Variants in TBX18 observed in about 807,000 individuals in gnomAD.
The protein encoded by TBX18 is T-box transcription factor TBX18.
Under a neutral mutation model 55.0 loss-of-function variants are expected in TBX18, and 21 were observed. That is an observed-to-expected ratio of 0.38 (90% CI 0.27 to 0.55). The LOEUF is 0.55. TBX18 is among the 20% of genes least tolerant of loss of function. The pLI is 0.73. For missense variants in TBX18, 840 were observed against 799.6 expected, an observed-to-expected ratio of 1.05 and a Z score of -0.61; for synonymous variants, 342 against 326.1, an observed-to-expected ratio of 1.05 and a Z score of -0.53.
At chr6:84,746,966 A>G (rs1404244714) in intron 5 of TBX18, among the ~76,000 whole-genome samples, 1 of 152,048 alleles carries the variant, frequency 6.6e-6, no homozygotes, top group Admixed American at 6.5e-5. Context: ...GTGAGAGGAC[A>G]GGACAGCTTC....
chr6:84,738,568 TCCA>T lies in TBX18; in HGVS notation c.1025_1027del (p.Val342del). ...TGATGGTCGCCAGAATGCATATGATTCCACCAAGGCTTCCAAACCCATTCTAAA... is the reference window on the plus strand; with the variant it reads ...TGATGGTCGCCAGAATGCATATGATTCCAAGGCTTCCAAACCCATTCTAAA... On this transcript the variant is annotated inframe_deletion, in exon 7 of 8. Transcript: ENST00000369663. The T allele has an allele frequency of 6.2e-7, 1 of 1,613,982 alleles. No individual in the cohort carries two copies. The highest frequency in any genetic ancestry group is 8.5e-7 in the Non-Finnish European group (1 of 1,179,950).
rs1238232609 is a variant in TBX18, at chr6:84,760,212, C to T, written c.599+43G>A. ...CAAACAGGCACTAGCCTGCAAAATC[C>T]TAGTGTTTTTTTTTTTAATTGTTCA... On this transcript the variant is annotated intron_variant, in intron 3 of 7. Transcript: ENST00000369663. The T allele has an allele frequency of 4.7e-6, 6 of 1,286,942 alleles. No homozygotes were observed. The Admixed American group carries it at 1.2e-4, about 26-fold the overall frequency. 79.7% of individuals were successfully genotyped at this position (1,286,942 alleles called of 1,614,324 possible).
chr6:84,747,393 TATGAA>T (rs1422342529), intron 5 of TBX18, among the ~76,000 whole-genome samples: 1 of 152,220 alleles, frequency 6.6e-6, no homozygotes, highest in African/African-American at 2.4e-5. Context: ...TTTCTAACTT[TATGAA>T]ATAAGTATTC....
rs1375970995 is a variant in TBX18, at chr6:84,763,897, T to G, written c.285A>C (p.Gly95=). 1.3e-6 allele frequency: 2 copies of G among 1,509,298 alleles called. No individual in the cohort carries two copies. The highest frequency in any genetic ancestry group is 2.9e-5 in the African/African-American group (2 of 69,438). The allele number at this position is 1,509,298 out of a possible 1,614,324, so 93.5% of individuals were successfully genotyped here. A position where few individuals can be genotyped will look rare whatever the true frequency, so the allele number is the denominator to read the frequency against. The part of the protein sequence containing the change: ...PARSGADLER[G]AAGGCEDGFQ... Reference sequence around the variant, plus strand: ...AGGAAGGGGCCCACTCACCCGCGGCTCCGCGCTCCAGGTCTGCGCCACTCC... The same window carrying G: ...AGGAAGGGGCCCACTCACCCGCGGCGCCGCGCTCCAGGTCTGCGCCACTCC... Residue 95 remains glycine (G), a synonymous_variant, in exon 1 of 8, where the codon GGA becomes GGC. Coordinates refer to ENST00000369663, the MANE Select transcript of TBX18 (RefSeq NM_001080508.3).
At chr6:84,745,367 C>T (rs142542723) in intron 5 of TBX18, among the ~76,000 whole-genome samples, 1 of 152,180 alleles carries the variant, frequency 6.6e-6, no homozygotes, top group Non-Finnish European at 1.5e-5. Flanking sequence ...CATGTTTTGG[C>T]TTCTAAATTC....
rs561554028 is a variant in TBX18 at position 84,737,158 on chromosome 6, G to A, written c.1351C>T (p.Pro451Ser). 1.7e-5 allele frequency: 28 copies of A among 1,614,044 alleles called. No homozygotes were observed. In the Admixed American group the frequency reaches 3.2e-4, roughly 18 times the overall value. ...CCCACATAGGAGGGAGTCCTGGGCGGGGCAAAGGTCTCACCAGCCTGGTTG... is the reference window on the plus strand; with the variant it reads ...CCCACATAGGAGGGAGTCCTGGGCGAGGCAAAGGTCTCACCAGCCTGGTTG... Reference protein sequence around the residue: ...LTNQAGETFAPPRTPSYVGVS... With the variant: ...LTNQAGETFASPRTPSYVGVS... The change falls in exon 8 of 8, where the codon CCG (proline) becomes TCG (serine). Residue 451 changes from proline (P) to serine (S), a missense_variant. Pro to Ser is a moderately conservative substitution (Grantham distance 74). Transcript: ENST00000369663.
At chr6:84,749,478 T>G (rs962875487) in intron 4 of TBX18, among the ~76,000 whole-genome samples, 2 of 99,448 alleles carry the variant, frequency 2.0e-5, no homozygotes, top group African/African-American at 6.7e-5. Flanking sequence ...TGGCTAAGAT[T>G]TTTTTTTTCT....
At chr6:84,758,573 T>G (rs1767558814) in intron 3 of TBX18, among the ~76,000 whole-genome samples, 1 of 151,974 alleles carries the variant, frequency 6.6e-6, no homozygotes, top group South Asian at 2.1e-4. Flanking sequence ...CATTAGAAAA[T>G]AAGCCAAATT....
At chr6:84,744,799 A>G (rs1471697957) in intron 5 of TBX18, among the ~76,000 whole-genome samples, 1 of 152,102 alleles carries the variant, frequency 6.6e-6, no homozygotes. Flanking sequence ...TCTCTTCTTT[A>G]AAATTAGGTA....
chr6:84,734,516 C>T lies in TBX18; in HGVS notation c.*2169G>A, dbSNP rs1167534228. 1 of 152,338 alleles carries T rather than the reference C, an allele frequency of 6.6e-6. No individual in the cohort carries two copies. The highest frequency in any genetic ancestry group is 1.5e-5 in the Non-Finnish European group (1 of 67,998). The allele number at this position is 152,338 out of a possible 1,614,324, so 9.4% of individuals were successfully genotyped here. A position where few individuals can be genotyped will look rare whatever the true frequency, so the allele number is the denominator to read the frequency against. On this transcript the variant is annotated 3_prime_UTR_variant, in exon 8 of 8. Coordinates refer to ENST00000369663, the MANE Select transcript of TBX18 (RefSeq NM_001080508.3). ...ACAGATATATAATTATCAATGTATG[C>T]ATGTCATTTAATTCAGCAATAAAAG...
chr6:84,740,056 G>C (rs1003174368), intron 6 of TBX18, among the ~76,000 whole-genome samples: 16 of 152,172 alleles, frequency 1.1e-4, no homozygotes, highest in African/African-American at 3.6e-4. Flanking sequence ...ACATAAGCCT[G>C]ACTCATCTCT....
At chr6:84,738,629 A>G in intron 6 of TBX18, 38 bp from the exon 7 acceptor site, 2 of 1,511,018 alleles carry the variant, frequency 1.3e-6, no homozygotes, top group Non-Finnish European at 1.8e-6. Context: ...GGACAAAAGA[A>G]GTCTAGTTAG....
Position 84,756,882 on chromosome 6 carries a change from G to A in TBX18, c.600-13C>T. On this transcript the variant is annotated splice_polypyrimidine_tract_variant and intron_variant, in intron 3 of 7. Transcript: ENST00000369663. The stretch of plus-strand genomic sequence containing the variant: ...GTGGTAAACATACCTAGAAGGCAAT[G>A]ACCAGGCGTTCAGTATACTGTTTTT... The A allele has an allele frequency of 6.2e-7, 1 of 1,613,038 alleles. No homozygotes were observed. The highest frequency in any genetic ancestry group is 8.5e-7 in the Non-Finnish European group (1 of 1,179,306).
chr6:84,737,924 G>A (rs961990389), intron 7 of TBX18, among the ~76,000 whole-genome samples: 1 of 152,182 alleles, frequency 6.6e-6, no homozygotes, highest in Non-Finnish European at 1.5e-5. Flanking sequence ...CAGGATGATG[G>A]TAAAAAGCCT....
At chr6:84,761,335 TAA>T (rs1328997589) in intron 2 of TBX18, among the ~76,000 whole-genome samples, 3 of 152,106 alleles carry the variant, frequency 2.0e-5, no homozygotes, top group Non-Finnish European at 2.9e-5. Flanking sequence ...TAGAAAAAAA[TAA>T]AGTCTATTAC....
intron 4 of TBX18, 90 bp downstream of exon 4, chr6:84,756,608 T>G: frequency 2.1e-5 from 26 of 1,236,942 alleles, no homozygotes; most frequent in Non-Finnish European, 2.7e-5. Flanking sequence ...ATGAACATTA[T>G]GATCTTAGAA....
intron 3 of TBX18, among the ~76,000 whole-genome samples, chr6:84,759,699 G>A (rs1767594864): frequency 1.3e-5 from 2 of 151,326 alleles, no homozygotes; most frequent in Admixed American, 1.3e-4. Context: ...ACAACAGAAA[G>A]GTAAAAATTT....
intron 4 of TBX18, among the ~76,000 whole-genome samples, chr6:84,755,892 C>CT (rs1287512051): frequency 1.3e-5 from 2 of 152,188 alleles, no homozygotes; most frequent in African/African-American, 4.8e-5. Context: ...AATATGCTAT[C>CT]TTTATATCAC....
chr6:84,761,367 C>T (rs1309061620), intron 2 of TBX18, among the ~76,000 whole-genome samples: 1 of 152,050 alleles, frequency 6.6e-6, no homozygotes, highest in Non-Finnish European at 1.5e-5. Context: ...GGTATGGGAA[C>T]AGTTTAATAC....
Sources: allele counts gnomAD v4.1 joint callset (sites outside exome capture counted in the v4.1 genomes callset), GRCh38; gene constraint gnomAD v4.1.1; transcripts MANE v1.5; gene names NCBI Gene and HGNC (gene_info 2026-07-23, HGNC 2026-07-21).